Variants in SYT2 observed in about 807,000 individuals in gnomAD.
The protein encoded by SYT2 is synaptotagmin 2.
SYT2 carries 15 observed loss-of-function variants against 39.9 expected under a neutral mutation model. The observed-to-expected ratio is 0.38, with a 90% CI of 0.25 to 0.58. SYT2 has a LOEUF of 0.58. Among genes scored for constraint, SYT2 ranks in the 20% least tolerant of loss-of-function variants. The probability of loss-of-function intolerance (pLI) is 0.70; values close to 1 mark genes in which losing one functional copy is unlikely to be tolerated. For synonymous variants in SYT2, 181 were observed against 204.5 expected, an observed-to-expected ratio of 0.89 and a Z score of 0.98; for missense variants, 389 against 530.3, an observed-to-expected ratio of 0.73 and a Z score of 2.62.
intron 1 of SYT2, among the ~76,000 whole-genome samples, chr1:202,692,241 C>T (rs1019501952): frequency 9.2e-5 from 14 of 152,190 alleles, no homozygotes; most frequent in African/African-American, 3.4e-4. Flanking sequence ...CCCCTCCAGG[C>T]GTGCTTATTC....
chr1:202,666,654 C>T (rs575619318), intron 1 of SYT2, among the ~76,000 whole-genome samples: 1 of 152,270 alleles, frequency 6.6e-6, no homozygotes, highest in East Asian at 1.9e-4. Context: ...TCAGAGCACC[C>T]GGCCCCTAAT....
chr1:202,625,124 GTC>G (rs1691350679), intron 1 of SYT2, among the ~76,000 whole-genome samples: 2 of 832 alleles, frequency 2.4e-3, no homozygotes, highest in Non-Finnish European at 7.8e-3. Context: ...TGGTATGTGT[GTC>G]GTGTGTGTGG....
chr1:202,696,414 A>T (rs1394065829), intron 1 of SYT2, among the ~76,000 whole-genome samples: 1 of 152,216 alleles, frequency 6.6e-6, no homozygotes, highest in Non-Finnish European at 1.5e-5. Context: ...CACCCTGCTA[A>T]GCCCCCATTA....
intron 1 of SYT2, among the ~76,000 whole-genome samples, chr1:202,625,073 G>GGT (rs1318360054): frequency 6.6e-6 from 1 of 152,186 alleles, no homozygotes; most frequent in Non-Finnish European, 1.5e-5. Context: ...TGTGTAGTAG[G>GGT]GTGTGTGTGT....
chr1:202,603,337 G>A (rs545143857), intron 3 of SYT2, among the ~76,000 whole-genome samples: 3 of 152,284 alleles, frequency 2.0e-5, no homozygotes, highest in East Asian at 3.9e-4. Context: ...CTGTGTTTGA[G>A]ACATGGCTCT....
At chr1:202,652,553 T>C (rs1167495650) in intron 1 of SYT2, among the ~76,000 whole-genome samples, 1 of 152,212 alleles carries the variant, frequency 6.6e-6, no homozygotes, top group Non-Finnish European at 1.5e-5. Flanking sequence ...GGCTGGAACC[T>C]GGGGACCAAA....
At chr1:202,647,193 C>G (rs549923245) in intron 1 of SYT2, among the ~76,000 whole-genome samples, 1 of 152,348 alleles carries the variant, frequency 6.6e-6, no homozygotes, top group Non-Finnish European at 1.5e-5. Context: ...TACCTCCCTT[C>G]CAATGAGATG....
chr1:202,624,327 G>A (rs912788076), intron 1 of SYT2, among the ~76,000 whole-genome samples: 34 of 149,832 alleles, frequency 2.3e-4, no homozygotes, highest in Non-Finnish European at 4.7e-4. Context: ...GGTTAGGGGT[G>A]GAGGCTCTAG....
At position 202,707,069 on chromosome 1, in the gene SYT2, C is replaced by T. The variant is rs187158165; in HGVS notation, c.-18+3189G>A. Among the ~76,000 whole-genome samples the T allele has an allele frequency of 5.2e-4, 79 of 152,270 alleles. No individual in the cohort carries two copies. In the South Asian group the frequency reaches 5.4e-3, roughly 10 times the overall value. The stretch of plus-strand genomic sequence containing the variant: ...GGTATTCACTAGATTGTAAATGCCA[C>T]GAGGGCAGGAAACAGGTCTGTTTTG... On this transcript the variant is annotated intron_variant, in intron 1 of 8. Coordinates refer to ENST00000367268, the MANE Select transcript of SYT2 (RefSeq NM_177402.5).
chr1:202,640,067 AG>A (rs1268401258), intron 1 of SYT2, among the ~76,000 whole-genome samples: 1 of 152,224 alleles, frequency 6.6e-6, no homozygotes, highest in Non-Finnish European at 1.5e-5. Context: ...ACAGATATTA[AG>A]GAGCAAGCCA....
chr1:202,616,215 A>G (rs1444323093), intron 1 of SYT2, among the ~76,000 whole-genome samples: 1 of 152,040 alleles, frequency 6.6e-6, no homozygotes, highest in African/African-American at 2.4e-5. Context: ...ATCTCTCAAA[A>G]TGTCCCAACC....
intron 1 of SYT2, among the ~76,000 whole-genome samples, chr1:202,609,535 A>G (rs1299473691): frequency 6.6e-6 from 1 of 152,162 alleles, no homozygotes; most frequent in Non-Finnish European, 1.5e-5. Context: ...ATTTCTCCAC[A>G]TCCTCTCCAG....
chr1:202,682,607 G>A (rs1048056533), intron 1 of SYT2, among the ~76,000 whole-genome samples: 5 of 152,124 alleles, frequency 3.3e-5, no homozygotes, highest in Admixed American at 6.5e-5. Flanking sequence ...GGACATAGGC[G>A]TGGAGTGGCA....
chr1:202,596,816 G>C lies in SYT2; in HGVS notation c.1201C>G (p.Gln401Glu). The change falls in exon 9 of 9, where the codon CAG becomes GAG. Residue 401 changes from glutamine (Q) to glutamate (E), a missense_variant. By Grantham distance (29) the Gln-to-Glu change is conservative. Transcript: ENST00000367268. ...MLANPRRPIA[Q>E]WHSLKPEEEV... Reference sequence around the variant, plus strand: ...TCCTCAGGCTTGAGCGAGTGCCACTGGGCGATGGGCCTCCGGGGGTTGGCC... The same window carrying C: ...TCCTCAGGCTTGAGCGAGTGCCACTCGGCGATGGGCCTCCGGGGGTTGGCC... 1 of 1,614,174 alleles carries C rather than the reference G, an allele frequency of 6.2e-7. No homozygotes were observed. Among genetic ancestry groups the C allele is most frequent in the Non-Finnish European group, 8.5e-7 (1 of 1,180,028 alleles).
At chr1:202,644,783 G>A (rs1415670184) in intron 1 of SYT2, among the ~76,000 whole-genome samples, 4 of 152,122 alleles carry the variant, frequency 2.6e-5, no homozygotes, top group Admixed American at 6.5e-5. Context: ...ACAGAGTCTG[G>A]GGAACCGGGA....
In SYT2 at chr1:202,596,294, C is replaced by CACACACACAT. The variant is rs1553333819; in HGVS notation, c.*462_*463insATGTGTGTGT. On this transcript the variant is annotated 3_prime_UTR_variant, in exon 9 of 9. Transcript: ENST00000367268. ...ACACACACACACACACACACACACA[C>CACACACACAT]ACACACACACACATACACACACACA... The CACACACACAT allele has an allele frequency of 0.017, 1,453 of 85,394 alleles. 6 individuals carry two copies. The highest frequency in any genetic ancestry group is 0.023 in the Non-Finnish European group (1,055 of 46,484). The allele number at this position is 85,394 out of a possible 1,614,324, so 5.3% of individuals were successfully genotyped here.
chr1:202,708,363 C>G (rs1173430185), intron 1 of SYT2, among the ~76,000 whole-genome samples: 1 of 152,040 alleles, frequency 6.6e-6, no homozygotes, highest in African/African-American at 2.4e-5. Flanking sequence ...AGGCTATAAC[C>G]TAGAAACTTT....
At chr1:202,666,839 G>T (rs148866187) in intron 1 of SYT2, among the ~76,000 whole-genome samples, 1 of 152,136 alleles carries the variant, frequency 6.6e-6, no homozygotes, top group Non-Finnish European at 1.5e-5. Flanking sequence ...AAAATTAGCC[G>T]GGTGTGATGG....
At chr1:202,667,764 G>A (rs1692508588) in intron 1 of SYT2, among the ~76,000 whole-genome samples, 1 of 151,966 alleles carries the variant, frequency 6.6e-6, no homozygotes, top group Non-Finnish European at 1.5e-5. Context: ...GCAGGCTGGA[G>A]TGCAGTGGCA....
Sources: allele counts gnomAD v4.1 joint callset (sites outside exome capture counted in the v4.1 genomes callset), GRCh38; gene constraint gnomAD v4.1.1; transcripts MANE v1.5; gene names NCBI Gene and HGNC (gene_info 2026-07-23, HGNC 2026-07-21).